Variants in IRGM observed in about 807,000 individuals in gnomAD.
IRGM encodes the protein immunity-related GTPase family M protein.
For synonymous variants in IRGM, 98 were observed against 80.6 expected, an observed-to-expected ratio of 1.22 and a Z score of -1.16; for missense variants, 288 against 219.9, an observed-to-expected ratio of 1.31 and a Z score of -1.96.
At chr5:150,881,067 C>T (rs1467814610) in intron 3 of IRGM, among the ~76,000 whole-genome samples, 5 of 151,082 alleles carry the variant, frequency 3.3e-5, no homozygotes, top group Non-Finnish European at 5.9e-5. Flanking sequence ...GTGGAGGTTG[C>T]AGTGAGCCAA....
chr5:150,849,336 G>A (rs1387147279), downstream of IRGM, among the ~76,000 whole-genome samples: 2 of 148,042 alleles, frequency 1.4e-5, no homozygotes, highest in East Asian at 2.2e-4. Flanking sequence ...TATAAGGAAT[G>A]CCTAATATCT....
rs1211752015 is a variant in IRGM, at chr5:150,848,080, C to A, written c.-44C>A. ...CCTTCCAAAGTGCTGGGATTACAGG[C>A]ATGAGCCACGGCGCCTGGCCAGCAT... is the stretch of plus-strand genomic sequence containing the variant. On this transcript the variant is annotated 5_prime_UTR_variant, in exon 2 of 2. Transcript: ENST00000522154. 9.5e-6 allele frequency: 14 copies of A among 1,471,310 alleles called. No homozygotes were observed. Among genetic ancestry groups the A allele is most frequent in the Admixed American group, 2.2e-5 (1 of 45,536 alleles). 91.1% of individuals were successfully genotyped at this position (1,471,310 alleles called of 1,614,324 possible).
At chr5:150,880,188 G>A (rs1027185961) in intron 3 of IRGM, among the ~76,000 whole-genome samples, 9 of 152,122 alleles carry the variant, frequency 5.9e-5, no homozygotes, top group Non-Finnish European at 1.0e-4. Context: ...AGTCAATTGT[G>A]GGAGATATGA....
intron 1 of IRGM, among the ~76,000 whole-genome samples, chr5:150,872,273 A>G (rs1409754248): frequency 6.6e-6 from 1 of 152,206 alleles, no homozygotes; most frequent in African/African-American, 2.4e-5. Context: ...CAGAAGAAAC[A>G]ACTTCCCCAT....
rs149636232 is a variant in IRGM at position 150,866,036 on chromosome 5, C to T, written c.159-11944C>T. On this transcript the variant is annotated intron_variant and NMD_transcript_variant, in intron 1 of 3. Transcript: ENST00000520549. The stretch of plus-strand genomic sequence containing the variant: ...CCTCCCAAAGTGCTAGGATTAGAGG[C>T]GTTTGCCACTGCGCTCAGCCAAGGA... Among the ~76,000 whole-genome samples, 656 of 152,266 alleles carry T rather than the reference C, an allele frequency of 4.3e-3. 8 individuals are homozygous for T. The highest frequency in any genetic ancestry group is 0.014 in the African/African-American group (562 of 41,550).
At position 150,848,082 on chromosome 5, in the gene IRGM, T is replaced by C. The variant is rs1461106072; in HGVS notation, c.-42T>C. On this transcript the variant is annotated 5_prime_UTR_variant, in exon 2 of 2. An upstream start codon of the reference 5' UTR is lost. Transcript: ENST00000522154. ...TTCCAAAGTGCTGGGATTACAGGCA[T>C]GAGCCACGGCGCCTGGCCAGCATTG... is the stretch of plus-strand genomic sequence containing the variant. 11 of 1,482,930 alleles carry C rather than the reference T, an allele frequency of 7.4e-6. No individual in the cohort carries two copies. The highest frequency in any genetic ancestry group is 2.8e-5 in the African/African-American group (2 of 71,326). 91.9% of individuals were successfully genotyped at this position (1,482,930 alleles called of 1,614,324 possible).
intron 3 of IRGM, chr5:150,896,877 A>G: frequency 1.9e-6 from 3 of 1,613,652 alleles, no homozygotes; most frequent in South Asian, 2.2e-5. Context: ...AATGGAGCAC[A>G]ATGAACCATC....
chr5:150,873,274 A>T (rs1189191437), intron 1 of IRGM, among the ~76,000 whole-genome samples: 2 of 152,238 alleles, frequency 1.3e-5, no homozygotes, highest in African/African-American at 4.8e-5. Flanking sequence ...TGGACAAAAG[A>T]CTAATTTGAA....
At chr5:150,861,395 A>G (rs1281525116) in intron 1 of IRGM, among the ~76,000 whole-genome samples, 1 of 152,188 alleles carries the variant, frequency 6.6e-6, no homozygotes, top group Non-Finnish European at 1.5e-5. Flanking sequence ...AAGGCTTAGG[A>G]CAGGAAGTAG....
intron 2 of IRGM, among the ~76,000 whole-genome samples, chr5:150,878,518 A>G (rs1378080484): frequency 1.3e-5 from 2 of 151,202 alleles, no homozygotes; most frequent in African/African-American, 2.4e-5. Context: ...TTTTTTTGCC[A>G]TATTACTTTC....
chr5:150,870,101 T>C (rs1754261577), intron 1 of IRGM, among the ~76,000 whole-genome samples: 1 of 152,086 alleles, frequency 6.6e-6, no homozygotes, highest in African/African-American at 2.4e-5. Context: ...TAAAGGGAAA[T>C]TTGCAGTAAG....
At position 150,847,221 on chromosome 5, in the gene IRGM, G is replaced by GT. The variant is rs1753881092; in HGVS notation, c.-416+2dup. ...CACGTGTGCTCCCCCGCCTGATGAGGTAAGTGTTAAACAGGGATGATCACA... is the reference window on the plus strand; with the variant it reads ...CACGTGTGCTCCCCCGCCTGATGAGGTTAAGTGTTAAACAGGGATGATCACA... On this transcript the variant is annotated splice_donor_variant, in intron 1 of 1. Transcript: ENST00000522154. LOFTEE classifies it low-confidence loss of function (5UTR_SPLICE). 2 of 152,384 alleles carry GT rather than the reference G, an allele frequency of 1.3e-5. No individual in the cohort carries two copies. Among genetic ancestry groups the GT allele is most frequent in the Non-Finnish European group, 2.9e-5 (2 of 68,080 alleles). The allele number at this position is 152,384 out of a possible 1,614,324, so 9.4% of individuals were successfully genotyped here.
At chr5:150,857,900 C>G (rs1223910809) in intron 1 of IRGM, among the ~76,000 whole-genome samples, 3 of 150,776 alleles carry the variant, frequency 2.0e-5, no homozygotes, top group South Asian at 4.2e-4. Flanking sequence ...ATGGTAGTTT[C>G]TTTTGCTGTG....
chr5:150,896,780 G>T, intron 3 of IRGM: 2 of 1,613,684 alleles, frequency 1.2e-6, no homozygotes, highest in Non-Finnish European at 1.7e-6. Context: ...TCACTGTTTT[G>T]CTGTTAACAA....
intron 1 of IRGM, among the ~76,000 whole-genome samples, chr5:150,856,173 C>G (rs902694479): frequency 2.0e-5 from 3 of 152,070 alleles, no homozygotes; most frequent in Non-Finnish European, 2.9e-5. Flanking sequence ...CGGCTCATAC[C>G]TGTAATCCCA....
At chr5:150,876,791 T>G (rs933740078) in intron 1 of IRGM, among the ~76,000 whole-genome samples, 1 of 152,294 alleles carries the variant, frequency 6.6e-6, no homozygotes, top group Non-Finnish European at 1.5e-5. Context: ...GAATACAGAA[T>G]GGGTAGTAGA....
At chr5:150,896,519 A>C in intron 3 of IRGM, 1 of 1,613,664 alleles carries the variant, frequency 6.2e-7, no homozygotes, top group Non-Finnish European at 8.5e-7. Flanking sequence ...TATCATCAAA[A>C]GGTATTACTC....
chr5:150,863,744 C>T lies in IRGM; in HGVS notation c.159-14236C>T, dbSNP rs574762422. Among the ~76,000 whole-genome samples the T allele has an allele frequency of 2.6e-5, 4 of 152,310 alleles. No individual in the cohort carries two copies. The South Asian group carries it at 8.3e-4, about 32-fold the overall frequency. ...ATAAGATCCAGAAACTTCATAACTG[C>T]AGAAGCTACACCTGAACCGATAATT... is the stretch of plus-strand genomic sequence containing the variant. On this transcript the variant is annotated intron_variant and NMD_transcript_variant, in intron 1 of 3. Transcript: ENST00000520549.
Position 150,848,654 on chromosome 5 carries a change from G to A in IRGM, c.531G>A (p.Arg177=), listed in dbSNP as rs1293497220. ...ENVLENLQKE[R]VCEY ...TCCTGGAAAATCTCCAGAAGGAGCGGGTATGTGAATACTAATTCCTGTCTT... is the reference window on the plus strand; with the variant it reads ...TCCTGGAAAATCTCCAGAAGGAGCGAGTATGTGAATACTAATTCCTGTCTT... Residue 177 remains arginine (R), a synonymous_variant, in exon 2 of 2, where the codon CGG becomes CGA. Transcript: ENST00000522154. 3.3e-6 allele frequency: 5 copies of A among 1,532,536 alleles called. No individual in the cohort carries two copies. The African/African-American group carries it at 5.5e-5, about 17-fold the overall frequency. 94.9% of individuals were successfully genotyped at this position (1,532,536 alleles called of 1,614,324 possible).
Sources: gnomAD v4.1 joint callset for allele counts (sites outside exome capture counted in the v4.1 genomes callset) on GRCh38, gnomAD v4.1.1 for gene constraint, MANE v1.5 for transcripts, NCBI Gene and HGNC (gene_info 2026-07-23, HGNC 2026-07-21) for gene names.